SEMA3C: variants seen among roughly 807,000 people sequenced by gnomAD.
SEMA3C encodes the protein semaphorin 3C, also known as semaphorin-3C.
In SEMA3C, 47 loss-of-function variants were observed where a neutral mutation model predicts 89.4. The ratio of observed to expected loss-of-function variants is 0.53; its 90% CI spans 0.42 to 0.67. SEMA3C has a LOEUF of 0.67. Ranked by LOEUF, SEMA3C falls within the 30% of genes least tolerant of loss-of-function variation. The pLI, the probability that SEMA3C is intolerant of heterozygous loss-of-function variation, is 0.00. For synonymous variants in SEMA3C, 310 were observed against 320.2 expected (o/e 0.97, Z 0.34); for missense variants, 839 against 929.1 (o/e 0.90, Z 1.26).
intron 12 of SEMA3C, among the ~76,000 whole-genome samples, chr7:80,776,544 C>T (rs890901464): frequency 3.3e-5 from 5 of 152,112 alleles, no homozygotes; most frequent in African/African-American, 4.8e-5. Context: ...TTTTACTCCC[C>T]GTAGTCTGAA....
intron 2 of SEMA3C, among the ~76,000 whole-genome samples, chr7:80,909,802 T>A (rs994420665): frequency 6.6e-6 from 1 of 152,162 alleles, no homozygotes; most frequent in African/African-American, 2.4e-5. Flanking sequence ...GAATTAGAGA[T>A]AAATGAAAAT....
chr7:80,915,369 G>C (rs576433716), intron 2 of SEMA3C, among the ~76,000 whole-genome samples: 1 of 152,124 alleles, frequency 6.6e-6, no homozygotes, highest in Non-Finnish European at 1.5e-5. Flanking sequence ...TCCAAATATG[G>C]CTCCTTCGGT....
At chr7:80,801,797 T>C (rs889383324) in intron 9 of SEMA3C, among the ~76,000 whole-genome samples, 9 of 151,846 alleles carry the variant, frequency 5.9e-5, no homozygotes, top group African/African-American at 1.5e-4. Flanking sequence ...AATGAGCAAG[T>C]AGCCTGTTTC....
At chr7:80,799,659 T>C (rs1360377078) in intron 10 of SEMA3C, among the ~76,000 whole-genome samples, 2 of 149,696 alleles carry the variant, frequency 1.3e-5, no homozygotes, top group African/African-American at 4.9e-5. Context: ...CTGACCAACA[T>C]GGTGAAACCC....
At chr7:80,778,718 T>C (rs1000630320) in intron 12 of SEMA3C, among the ~76,000 whole-genome samples, 4 of 152,214 alleles carry the variant, frequency 2.6e-5, no homozygotes, top group Non-Finnish European at 5.9e-5. Flanking sequence ...TCCTGGCAAA[T>C]GTTACTAGCA....
intron 17 of SEMA3C, among the ~76,000 whole-genome samples, chr7:80,746,718 G>GGGGTGTGTGTGTGTGTGTGT (rs149678378): frequency 4.2e-5 from 6 of 143,028 alleles, no homozygotes; most frequent in African/African-American, 5.1e-5. Context: ...ATTGAAGTGG[G>GGGGTGTGTGTGTGTGTGTGT]GTGTGTGTGT....
intron 4 of SEMA3C, among the ~76,000 whole-genome samples, chr7:80,822,630 C>A (rs1304140765): frequency 1.3e-5 from 2 of 152,074 alleles, no homozygotes; most frequent in East Asian, 3.9e-4. Flanking sequence ...AGCCAGATGA[C>A]CTAGGTTTAA....
chr7:80,744,759 G>C lies in SEMA3C; in HGVS notation c.*135C>G, dbSNP rs149490520. 1 of 914,560 alleles carries C rather than the reference G, an allele frequency of 1.1e-6. No homozygotes were observed. The highest frequency in any genetic ancestry group is 2.3e-5 in the Admixed American group (1 of 43,182). 56.7% of individuals were successfully genotyped at this position (914,560 alleles called of 1,614,324 possible). On this transcript the variant is annotated 3_prime_UTR_variant, in exon 18 of 18. Transcript: ENST00000265361. ...AGAAAATGCATGCTCATTTCAGTTC[G>C]TGTAAAACTCACTTCAGGAGTAATC...
Position 80,828,632 on chromosome 7 carries a change from G to T in SEMA3C, c.217C>A (p.His73Asn). The T allele has an allele frequency of 5.0e-6, 8 of 1,611,604 alleles. No individual in the cohort carries two copies. The highest frequency in any genetic ancestry group is 6.8e-6 in the Non-Finnish European group (8 of 1,178,390). ...TTGTTAATATTCAGGGAAAGAATGT[G>T]ATCTTTGCTTCCCACATATATCCGG... is the stretch of plus-strand genomic sequence containing the variant. ...QDRIYVGSKDHILSLNINNIS... is the reference protein window; with the variant it reads ...QDRIYVGSKDNILSLNINNIS... The change falls in exon 3 of 18, where the codon CAC becomes AAC. Residue 73 changes from histidine (H) to asparagine (N), a missense_variant. By Grantham distance (68) the His-to-Asn change is moderately conservative. Transcript: ENST00000265361.
intron 4 of SEMA3C, among the ~76,000 whole-genome samples, chr7:80,822,046 G>A (rs1372032233): frequency 6.6e-6 from 1 of 152,236 alleles, no homozygotes; most frequent in African/African-American, 2.4e-5. Context: ...TGCTGCCTTC[G>A]TTTCTGACCT....
chr7:80,793,070 C>T (rs1412427433), intron 11 of SEMA3C, among the ~76,000 whole-genome samples: 1 of 152,180 alleles, frequency 6.6e-6, no homozygotes, highest in Admixed American at 6.5e-5. Context: ...TTTTACTCTG[C>T]AAATAGTCAT....
At chr7:80,754,957 G>GTTTTTTTTTTTTTTTTTTTTTTTT (rs1368382376) in intron 15 of SEMA3C, among the ~76,000 whole-genome samples, 10 of 108,360 alleles carry the variant, frequency 9.2e-5, no homozygotes, top group Non-Finnish European at 1.3e-4. Context: ...GTTTTTTTTT[G>GTTTTTTTTTTTTTTTTTTTTTTTT]TTTTTTTTTT....
chr7:80,874,473 T>TATTTATTTA (rs1352384650), intron 2 of SEMA3C, among the ~76,000 whole-genome samples: 3 of 151,700 alleles, frequency 2.0e-5, no homozygotes, highest in Non-Finnish European at 4.4e-5. Flanking sequence ...TTTATTTATT[T>TATTTATTTA]ATTTATTTAT....
rs754652756 is a variant in SEMA3C, at chr7:80,828,759, C to T, written c.104-14G>A. The T allele has an allele frequency of 3.1e-6, 5 of 1,597,072 alleles. No individual in the cohort carries two copies. The highest frequency in any genetic ancestry group is 2.7e-5 in the African/African-American group (2 of 74,510). Reference sequence around the variant, plus strand: ...TTTCTCGAAGTTCTGAAAGAGTGAACAGCACAAGTGTAGATACAGTATCCT... The same window carrying T: ...TTTCTCGAAGTTCTGAAAGAGTGAATAGCACAAGTGTAGATACAGTATCCT... On this transcript the variant is annotated splice_polypyrimidine_tract_variant and intron_variant, in intron 2 of 17. Transcript: ENST00000265361.
intron 13 of SEMA3C, among the ~76,000 whole-genome samples, chr7:80,763,968 C>T (rs926161912): frequency 1.3e-5 from 2 of 152,286 alleles, no homozygotes; most frequent in East Asian, 3.9e-4. Flanking sequence ...GTTAGTCTAG[C>T]ATTAAAAATT....
rs559364152 is a variant in SEMA3C at position 80,748,783 on chromosome 7, G to A, written c.1842+115C>T. On this transcript the variant is annotated intron_variant, in intron 17 of 17. Coordinates refer to ENST00000265361, the MANE Select transcript of SEMA3C (RefSeq NM_006379.5). The stretch of plus-strand genomic sequence containing the variant: ...AAGTGGCACTTGTCATCCCAAAGAC[G>A]TAAAAGATGATCATATGCCTTTCCT... The A allele has an allele frequency of 8.7e-5, 91 of 1,045,380 alleles. 2 individuals carry two copies. The South Asian group carries it at 1.5e-3, about 17-fold the overall frequency. The allele number at this position is 1,045,380 out of a possible 1,614,324, so 64.8% of individuals were successfully genotyped here. A position where few individuals can be genotyped will look rare whatever the true frequency, so the allele number is the denominator to read the frequency against.
chr7:80,861,336 A>G (rs184561526), intron 2 of SEMA3C, among the ~76,000 whole-genome samples: 15 of 152,290 alleles, frequency 9.8e-5, no homozygotes, highest in Admixed American at 2.6e-4. Context: ...TCAGTTATTT[A>G]TAATATATAA....
chr7:80,871,078 T>C (rs1190628299), intron 2 of SEMA3C, among the ~76,000 whole-genome samples: 1 of 152,244 alleles, frequency 6.6e-6, no homozygotes, highest in African/African-American at 2.4e-5. Flanking sequence ...ACTAATGAGC[T>C]AAATTGTGTT....
At chr7:80,884,341 A>C (rs1432506409) in intron 2 of SEMA3C, among the ~76,000 whole-genome samples, 1 of 152,064 alleles carries the variant, frequency 6.6e-6, no homozygotes, top group Non-Finnish European at 1.5e-5. Context: ...AAGTTTCTTG[A>C]CTCTAACATA....
Sources: gnomAD v4.1 joint callset for allele counts (sites outside exome capture counted in the v4.1 genomes callset) on GRCh38, gnomAD v4.1.1 for gene constraint, MANE v1.5 for transcripts, NCBI Gene and HGNC (gene_info 2026-07-23, HGNC 2026-07-21) for gene names.